IL1RAPL1: variants seen among roughly 807,000 people sequenced by gnomAD.
The protein encoded by IL1RAPL1 is interleukin 1 receptor accessory protein like 1.
In IL1RAPL1, 3 loss-of-function variants were observed where a neutral mutation model predicts 48.4. The ratio of observed to expected loss-of-function variants is 0.06; its 90% CI spans 0.03 to 0.16. The LOEUF is 0.16. Ranked by LOEUF, IL1RAPL1 falls within the 10% of genes least tolerant of loss-of-function variation. IL1RAPL1 has a pLI of 1.00. For missense variants in IL1RAPL1, 349 were observed against 530.6 expected, an observed-to-expected ratio of 0.66 and a Z score of 3.36; for synonymous variants, 185 against 187.7, an observed-to-expected ratio of 0.99 and a Z score of 0.12.
intron 2 of IL1RAPL1, among the ~76,000 whole-genome samples, chrX:28,949,710 T>C (rs767181678): frequency 2.7e-5 from 3 of 109,898 alleles, no homozygotes; most frequent in African/African-American, 9.9e-5. Flanking sequence ...CATTTTTTCA[T>C]GTGTTTTTTG....
At chrX:29,244,578 G>A (rs1052967729) in intron 2 of IL1RAPL1, among the ~76,000 whole-genome samples, 3 of 111,887 alleles carry the variant, frequency 2.7e-5, no homozygotes, top group Non-Finnish European at 5.6e-5. Flanking sequence ...CAGAAGTCAA[G>A]GTTTAACAGT....
chrX:29,445,796 T>A (rs1373704822), intron 5 of IL1RAPL1, among the ~76,000 whole-genome samples: 1 of 111,658 alleles, frequency 9.0e-6, no homozygotes, highest in Non-Finnish European at 1.9e-5. Flanking sequence ...CCTGGTTCAG[T>A]CATAGGAGCC....
intron 3 of IL1RAPL1, among the ~76,000 whole-genome samples, chrX:29,363,419 A>G (rs995844178): frequency 8.9e-6 from 1 of 111,771 alleles, no homozygotes; most frequent in Non-Finnish European, 1.9e-5. Context: ...AAGCTATCAT[A>G]CTATTATCAC....
chrX:29,367,066 T>G (rs1157600134), intron 3 of IL1RAPL1, among the ~76,000 whole-genome samples: 1 of 111,668 alleles, frequency 9.0e-6, no homozygotes, highest in Admixed American at 9.5e-5. Context: ...TATCTTAACA[T>G]ATATTGTTTA....
chrX:29,255,021 G>A (rs185801560), intron 2 of IL1RAPL1, among the ~76,000 whole-genome samples: 3 of 109,985 alleles, frequency 2.7e-5, no homozygotes, highest in South Asian at 7.7e-4. Flanking sequence ...CTCTGAAATC[G>A]TGTCATTAGA....
At chrX:29,416,175 A>G (rs1934213329) in intron 5 of IL1RAPL1, among the ~76,000 whole-genome samples, 1 of 111,948 alleles carries the variant, frequency 8.9e-6, no homozygotes, top group Non-Finnish European at 1.9e-5. Context: ...AATGTGGATA[A>G]TGGTACACTA....
chrX:29,669,000 C>T (rs1926075425), intron 6 of IL1RAPL1, among the ~76,000 whole-genome samples: 1 of 111,135 alleles, frequency 9.0e-6, no homozygotes, highest in Admixed American at 9.6e-5. Flanking sequence ...TAAAATATGA[C>T]CAAGTGACTT....
At chrX:28,659,840 CT>C (rs1211339090) in intron 1 of IL1RAPL1, among the ~76,000 whole-genome samples, 2 of 109,878 alleles carry the variant, frequency 1.8e-5, no homozygotes, top group Non-Finnish European at 3.8e-5. Context: ...ATTCTTGGGT[CT>C]AATCCTGGAT....
chrX:29,479,870 AG>A (rs1935019866), intron 5 of IL1RAPL1, among the ~76,000 whole-genome samples: 1 of 111,714 alleles, frequency 9.0e-6, no homozygotes, highest in Non-Finnish European at 1.9e-5. Flanking sequence ...ATGGCTAAGT[AG>A]TATTCCATGG....
chrX:28,873,661 A>G (rs188996563), intron 2 of IL1RAPL1, among the ~76,000 whole-genome samples: 3,318 of 105,823 alleles, frequency 0.031, 139 homozygotes, highest in African/African-American at 0.11. Context: ...CCTCCCAAGT[A>G]GCTGGGACTA....
intron 6 of IL1RAPL1, among the ~76,000 whole-genome samples, chrX:29,721,071 A>G (rs747962366): frequency 8.9e-6 from 1 of 111,841 alleles, no homozygotes; most frequent in Non-Finnish European, 1.9e-5. Context: ...AATCCATGGA[A>G]TTGACCACTT....
At chrX:28,594,601 G>A (rs977554904) in intron 1 of IL1RAPL1, among the ~76,000 whole-genome samples, 2 of 111,472 alleles carry the variant, frequency 1.8e-5, no homozygotes, top group African/African-American at 6.5e-5. Flanking sequence ...CTCTCATGAT[G>A]CATGATTTCA....
chrX:29,322,009 C>CA (rs777547906), intron 3 of IL1RAPL1, among the ~76,000 whole-genome samples: 4,024 of 97,849 alleles, frequency 0.041, 192 homozygotes, highest in African/African-American at 0.13. Flanking sequence ...TCATATTTTG[C>CA]AAAAAAAAAA....
intron 6 of IL1RAPL1, among the ~76,000 whole-genome samples, chrX:29,786,293 A>G (rs760176833): frequency 6.3e-5 from 7 of 111,378 alleles, no homozygotes; most frequent in African/African-American, 2.0e-4. Flanking sequence ...GATCAGTAAT[A>G]TAAAGGAAAT....
chrX:28,719,284 A>G (rs978576248), intron 1 of IL1RAPL1, among the ~76,000 whole-genome samples: 30 of 111,187 alleles, frequency 2.7e-4, no homozygotes, highest in African/African-American at 9.5e-4. Flanking sequence ...AATCAATAAG[A>G]TAATAAAAGT....
chrX:28,798,374 CA>C (rs1279123519), intron 2 of IL1RAPL1, among the ~76,000 whole-genome samples: 1 of 111,568 alleles, frequency 9.0e-6, no homozygotes, highest in Non-Finnish European at 1.9e-5. Context: ...TAAAGCAACA[CA>C]AATTTATTAT....
At chrX:28,849,653 T>C (rs1921607106) in intron 2 of IL1RAPL1, among the ~76,000 whole-genome samples, 1 of 112,075 alleles carries the variant, frequency 8.9e-6, no homozygotes, top group Admixed American at 9.5e-5. Context: ...TGCATAGATG[T>C]AACCAACCTA....
At chrX:29,415,355 A>G (rs1387530760) in intron 5 of IL1RAPL1, among the ~76,000 whole-genome samples, 2 of 111,937 alleles carry the variant, frequency 1.8e-5, no homozygotes, top group African/African-American at 6.5e-5. Flanking sequence ...GTGTATACAT[A>G]GATCTATATA....
chrX:29,008,171 T>G (rs1261309763), intron 2 of IL1RAPL1, among the ~76,000 whole-genome samples: 4 of 108,527 alleles, frequency 3.7e-5, no homozygotes, highest in Admixed American at 3.0e-4. Flanking sequence ...CCGGATAATT[T>G]TTTTTTTTTT....
Sources: allele counts gnomAD v4.1 joint callset (sites outside exome capture counted in the v4.1 genomes callset), GRCh38; gene constraint gnomAD v4.1.1; transcripts MANE v1.5; gene names NCBI Gene and HGNC (gene_info 2026-07-23, HGNC 2026-07-21).